Variants in OCA2 observed in about 807,000 individuals in gnomAD.
OCA2 encodes OCA2 melanosomal transmembrane protein.
A neutral mutation model predicts 100.2 loss-of-function variants in OCA2; 77 were observed. The observed-to-expected ratio is 0.77, with a 90% CI of 0.64 to 0.93. OCA2 has a LOEUF of 0.93. Among genes scored for constraint, OCA2 ranks in the 40% least tolerant of loss-of-function variants. OCA2 has a pLI of 0.00. For missense variants in OCA2, 1,062 were observed against 1,089.1 expected (o/e 0.98, Z 0.35); for synonymous variants, 432 against 439.2 (o/e 0.98, Z 0.21).
chr15:27,901,955 A>G (rs1337984582), intron 19 of OCA2, among the ~76,000 whole-genome samples: 1 of 152,192 alleles, frequency 6.6e-6, no homozygotes, highest in African/African-American at 2.4e-5. Flanking sequence ...GCCCACCCAG[A>G]GCCACTGTGA....
intron 2 of OCA2, among the ~76,000 whole-genome samples, chr15:28,074,741 G>A (rs148081642): frequency 0.063 from 9,613 of 151,644 alleles, 480 homozygotes; most frequent in East Asian, 0.22. Context: ...CAGCTACTTG[G>A]GAGGCTGAGG....
chr15:27,915,345 CA>C (rs893091690), intron 19 of OCA2, among the ~76,000 whole-genome samples: 62 of 152,186 alleles, frequency 4.1e-4, no homozygotes, highest in African/African-American at 1.5e-3. Context: ...ACAACTAAAA[CA>C]AAAGTTGACA....
At chr15:28,068,387 A>T (rs2044089819) in intron 2 of OCA2, among the ~76,000 whole-genome samples, 1 of 152,212 alleles carries the variant, frequency 6.6e-6, no homozygotes, top group Non-Finnish European at 1.5e-5. Context: ...GGAAGCACAC[A>T]ATCTCCCAAG....
Position 27,801,467 on chromosome 15 carries a change from G to T in OCA2, c.2432+43492C>A, listed in dbSNP as rs533979533. ...CTTGGGAGGCTGAGGCAGGAGATTCGCTTGAAGCCAGGAGGCGGAGGTTAC... is the reference window on the plus strand; with the variant it reads ...CTTGGGAGGCTGAGGCAGGAGATTCTCTTGAAGCCAGGAGGCGGAGGTTAC... On this transcript the variant is annotated intron_variant, in intron 23 of 23. Transcript: ENST00000354638. Among the ~76,000 whole-genome samples, 102 of 144,632 alleles carry T rather than the reference G, an allele frequency of 7.1e-4. 1 individual carries two copies. The highest frequency in any genetic ancestry group is 1.6e-4 in the Non-Finnish European group (11 of 67,350). 94.9% of individuals were successfully genotyped at this position (144,632 alleles called of 152,430 possible).
chr15:27,853,787 A>G (rs1408779129), intron 21 of OCA2, among the ~76,000 whole-genome samples: 2 of 152,098 alleles, frequency 1.3e-5, no homozygotes, highest in Non-Finnish European at 2.9e-5. Context: ...GCAGTTGCGT[A>G]TGTCAACCAC....
At chr15:27,971,287 C>A (rs951374404) in intron 14 of OCA2, among the ~76,000 whole-genome samples, 2 of 152,290 alleles carry the variant, frequency 1.3e-5, no homozygotes, top group South Asian at 4.1e-4. Flanking sequence ...AACCTGTCTT[C>A]TTACAAAGAT....
chr15:27,779,524 T>A (rs2032426175), intron 23 of OCA2, among the ~76,000 whole-genome samples: 2 of 152,226 alleles, frequency 1.3e-5, no homozygotes. Context: ...TCTTTCTTTG[T>A]CTCTTGTGAC....
the OCA2 span, among the ~76,000 whole-genome samples, chr15:27,728,308 T>C: frequency 6.6e-6 from 1 of 151,880 alleles, no homozygotes; most frequent in Non-Finnish European, 1.5e-5. Flanking sequence ...AGTTTTGAAA[T>C]CAAGAAGGGA....
intron 5 of OCA2, among the ~76,000 whole-genome samples, chr15:28,023,330 A>T (rs2042651326): frequency 6.6e-6 from 1 of 152,174 alleles, no homozygotes; most frequent in South Asian, 2.1e-4. Flanking sequence ...CTCCTCCCTC[A>T]TGGGTTGGTT....
intron 23 of OCA2, among the ~76,000 whole-genome samples, chr15:27,765,460 A>G (rs756054344): frequency 6.6e-6 from 1 of 152,184 alleles, no homozygotes; most frequent in Non-Finnish European, 1.5e-5. Context: ...GACAAGACAA[A>G]TCACTCAAGC....
intron 10 of OCA2, 52 bp from the exon 11 acceptor site, chr15:27,989,718 G>C: frequency 6.5e-7 from 1 of 1,548,952 alleles, no homozygotes; most frequent in Non-Finnish European, 8.9e-7. Flanking sequence ...CCATCCCAGT[G>C]ATGAGCCTAA....
At chr15:28,023,384 C>T (rs548179045) in intron 5 of OCA2, among the ~76,000 whole-genome samples, 2 of 152,312 alleles carry the variant, frequency 1.3e-5, no homozygotes, top group East Asian at 1.9e-4. Flanking sequence ...TCAGCACTGA[C>T]TTCGTACACC....
chr15:27,815,178 A>G lies in OCA2; in HGVS notation c.2432+29781T>C, dbSNP rs527651052. Among the ~76,000 whole-genome samples, 26 of 152,232 alleles carry G rather than the reference A, an allele frequency of 1.7e-4. No homozygotes were observed. The South Asian group carries it at 3.5e-3, about 21-fold the overall frequency. ...CATGATTTTAACTAAATGGACGGGG[A>G]GAAGCTTCCCATTCGCCGCAATGCC... On this transcript the variant is annotated intron_variant, in intron 23 of 23. Transcript: ENST00000354638.
intron 19 of OCA2, among the ~76,000 whole-genome samples, chr15:27,887,169 T>C (rs1280502759): frequency 2.0e-5 from 3 of 152,264 alleles, no homozygotes; most frequent in Non-Finnish European, 2.9e-5. Context: ...CCCAGCCATG[T>C]TGACCTGTAA....
At chr15:27,805,506 T>C (rs2151193500) in intron 23 of OCA2, among the ~76,000 whole-genome samples, 1 of 152,236 alleles carries the variant, frequency 6.6e-6, no homozygotes, top group East Asian at 1.9e-4. Context: ...AGCATGGCAC[T>C]AACCCCAGCA....
At chr15:27,761,453 T>C (rs2030832911) in intron 23 of OCA2, among the ~76,000 whole-genome samples, 2 of 150,798 alleles carry the variant, frequency 1.3e-5, no homozygotes, top group South Asian at 4.2e-4. Flanking sequence ...AGTTACAAAA[T>C]GGTGATTAAA....
intron 23 of OCA2, among the ~76,000 whole-genome samples, chr15:27,789,345 C>A (rs746429487): frequency 5.9e-5 from 9 of 151,968 alleles, no homozygotes; most frequent in Non-Finnish European, 1.2e-4. Flanking sequence ...CTGGTCATAT[C>A]TTTTTTCAAC....
chr15:27,813,201 C>T (rs1239838372), intron 23 of OCA2, among the ~76,000 whole-genome samples: 1 of 152,084 alleles, frequency 6.6e-6, no homozygotes, highest in Non-Finnish European at 1.5e-5. Flanking sequence ...CACCACAGCT[C>T]CTGGACCACC....
chr15:27,974,889 T>C (rs2040916805), intron 14 of OCA2, among the ~76,000 whole-genome samples: 1 of 152,240 alleles, frequency 6.6e-6, no homozygotes, highest in Admixed American at 6.5e-5. Context: ...GAAAATTGTA[T>C]GACAAGCCTG....
Sources: allele counts gnomAD v4.1 joint callset (sites outside exome capture counted in the v4.1 genomes callset), GRCh38; gene constraint gnomAD v4.1.1; transcripts MANE v1.5; gene names NCBI Gene and HGNC (gene_info 2026-07-23, HGNC 2026-07-21).